Variants in ITGB1 observed in about 807,000 individuals in gnomAD.
ITGB1 encodes integrin subunit beta 1.
Under a neutral mutation model 86.5 loss-of-function variants are expected in ITGB1, and 24 were observed. The observed-to-expected ratio is 0.28, with a 90% CI of 0.20 to 0.39. The LOEUF is 0.39. Among genes scored for constraint, ITGB1 ranks in the 10% least tolerant of loss-of-function variants. The pLI is 1.00. For missense variants in ITGB1, 556 were observed against 946.9 expected, an observed-to-expected ratio of 0.59 and a Z score of 5.42; for synonymous variants, 323 against 316.8, an observed-to-expected ratio of 1.02 and a Z score of -0.21.
intron 4 of ITGB1, among the ~76,000 whole-genome samples, chr10:32,928,748 ATTT>A (rs1458643935): frequency 4.0e-5 from 6 of 149,860 alleles, no homozygotes; most frequent in African/African-American, 1.5e-4. Flanking sequence ...ATTTATTATT[ATTT>A]ATTATTTATT....
chr10:32,935,477 A>AT lies in ITGB1; in HGVS notation c.67+14dup, dbSNP rs781698881. 6.3e-7 allele frequency: 1 copy of AT among 1,587,316 alleles called. No individual in the cohort carries two copies. The highest frequency in any genetic ancestry group is 8.7e-7 in the Non-Finnish European group (1 of 1,155,852). On this transcript the variant is annotated intron_variant, in intron 2 of 15. Transcript: ENST00000302278. ...CGGAAATGAAAAGACAACTAAGAAA[A>AT]TTTTTTGTTTTTACCTGTTTGAGCA...
At chr10:32,906,586 T>C (rs1345596721) in intron 15 of ITGB1, 2 of 171,948 alleles carry the variant, frequency 1.2e-5, no homozygotes. Context: ...AGAGACTGTC[T>C]CAAAATAAAT....
intron 1 of ITGB1, among the ~76,000 whole-genome samples, chr10:32,942,681 CTCTT>C (rs1212004122): frequency 1.3e-4 from 13 of 100,474 alleles, no homozygotes; most frequent in Non-Finnish European, 3.2e-4. Context: ...CTCTCTCTCT[CTCTT>C]TTTTTTTTTT....
intron 1 of ITGB1, among the ~76,000 whole-genome samples, chr10:32,951,307 G>A (rs566102075): frequency 6.6e-6 from 1 of 152,010 alleles, no homozygotes; most frequent in African/African-American, 2.4e-5. Flanking sequence ...ACCAAGAACA[G>A]AATCAACATA....
rs147943624 is a variant in ITGB1 at position 32,911,511 on chromosome 10, G to A, written c.1868C>T (p.Pro623Leu). 54 of 1,613,918 alleles carry A rather than the reference G, an allele frequency of 3.3e-5. No homozygotes were observed. The highest frequency in any genetic ancestry group is 5.5e-5 in the South Asian group (5 of 91,078). The change falls in exon 13 of 16, where the codon CCG becomes CTG. Residue 623 changes from proline to leucine, a missense_variant. Pro to Leu is a moderately conservative substitution (Grantham distance 98, BLOSUM62 -3). This residue lies in a region of ITGB1 where 330 missense variants were observed against 531.5 expected (regional missense o/e 0.62). Coordinates refer to ENST00000302278, the MANE Select transcript of ITGB1 (RefSeq NM_002211.4). Reference protein sequence around the residue: ...CECGVCKCTDPKFQGQTCEMC... With the variant: ...CECGVCKCTDLKFQGQTCEMC... ...CTCACACGTTTGCCCTTGAAACTTC[G>A]GATCTGTACACTTACAGACACCACA... is the stretch of plus-strand genomic sequence containing the variant.
intron 7 of ITGB1, among the ~76,000 whole-genome samples, chr10:32,922,961 GAAGT>G (rs1175822530): frequency 1.3e-5 from 2 of 152,112 alleles, no homozygotes; most frequent in African/African-American, 2.4e-5. Flanking sequence ...ATAAACTGCT[GAAGT>G]GAGTCGTGTG....
chr10:32,926,357 C>T (rs560540880), intron 5 of ITGB1, among the ~76,000 whole-genome samples: 2 of 152,282 alleles, frequency 1.3e-5, no homozygotes, highest in South Asian at 4.1e-4. Context: ...GTAACTGATA[C>T]AGTTTGGGTA....
intron 1 of ITGB1, among the ~76,000 whole-genome samples, chr10:32,939,675 G>C (rs1746134970): frequency 6.6e-6 from 1 of 152,168 alleles, no homozygotes; most frequent in African/African-American, 2.4e-5. Context: ...CTATTACCAT[G>C]AATATAGCTT....
At chr10:32,937,645 A>T (rs1039223693) in intron 1 of ITGB1, among the ~76,000 whole-genome samples, 3 of 152,042 alleles carry the variant, frequency 2.0e-5, no homozygotes, top group Non-Finnish European at 4.4e-5. Context: ...AAGGCAAAAG[A>T]AAAAAAGATG....
At chr10:32,917,804 G>A (rs925528425) in intron 11 of ITGB1, among the ~76,000 whole-genome samples, 4 of 152,172 alleles carry the variant, frequency 2.6e-5, no homozygotes, top group Non-Finnish European at 4.4e-5. Flanking sequence ...CAAGGATCTA[G>A]GACTAGAAAT....
In ITGB1 at chr10:32,911,932, C is replaced by A. The variant is rs374777966; in HGVS notation, c.1662G>T (p.Glu554Asp). 6.2e-7 allele frequency: 1 copy of A among 1,614,030 alleles called. No homozygotes were observed. Among genetic ancestry groups the A allele is most frequent in the African/African-American group, 1.3e-5 (1 of 75,050 alleles). Residue 554 changes from glutamate to aspartate, a missense_variant, in exon 12 of 16, where the codon GAG becomes GAT. Transcript: ENST00000302278. Reference sequence around the variant, plus strand: ...ATCTATCACAGTTGAAATTATCACACTCGCAGAATTTGCCAGAATAAATTT... The same window carrying A: ...ATCTATCACAGTTGAAATTATCACAATCGCAGAATTTGCCAGAATAAATTT... Reference protein sequence around the residue: ...TNEIYSGKFCECDNFNCDRSN... With the variant: ...TNEIYSGKFCDCDNFNCDRSN...
intron 1 of ITGB1, chr10:32,936,271 C>T (rs1350275617): frequency 6.6e-6 from 1 of 152,012 alleles, no homozygotes; most frequent in African/African-American, 2.4e-5. Flanking sequence ...CCCAGCTCTA[C>T]TAAAAATTAG....
At chr10:32,947,678 C>G (rs1017327856) in intron 1 of ITGB1, among the ~76,000 whole-genome samples, 5 of 152,062 alleles carry the variant, frequency 3.3e-5, no homozygotes, top group Non-Finnish European at 7.4e-5. Context: ...ACGATAAAAA[C>G]AACTGGAGAT....
chr10:32,913,003 A>C (rs1419988411), intron 11 of ITGB1, among the ~76,000 whole-genome samples: 1 of 152,198 alleles, frequency 6.6e-6, no homozygotes, highest in Non-Finnish European at 1.5e-5. Context: ...GCCATTCTGC[A>C]ATATTTGCTG....
chr10:32,913,660 A>T (rs1471800058), intron 11 of ITGB1, among the ~76,000 whole-genome samples: 2 of 152,252 alleles, frequency 1.3e-5, no homozygotes. Flanking sequence ...GAAATATGGG[A>T]CTATGTGAAA....
At chr10:32,911,371 C>A (rs927042977) in intron 13 of ITGB1, 77 bp downstream of exon 13, 2 of 1,234,476 alleles carry the variant, frequency 1.6e-6, no homozygotes, top group Non-Finnish European at 2.4e-6. Context: ...TGGCACTGTT[C>A]TGGTTCTAGA....
intron 3 of ITGB1, among the ~76,000 whole-genome samples, chr10:32,931,715 A>G (rs1314356759): frequency 1.3e-5 from 2 of 152,150 alleles, no homozygotes; most frequent in African/African-American, 4.8e-5. Context: ...TAGGCATACA[A>G]AAATAGGCAC....
chr10:32,933,202 C>G (rs947410532), intron 2 of ITGB1: 1 of 152,050 alleles, frequency 6.6e-6, no homozygotes, highest in East Asian at 1.9e-4. Flanking sequence ...CTGAAAGCCA[C>G]AGAGAGACAT....
rs569072245 is a variant in ITGB1 at position 32,917,333 on chromosome 10, T to C, written c.1469+2552A>G. Reference sequence around the variant, plus strand: ...AAAGCAATGGCAACAAAAGCCAAAATTGACAAATGGGATCTAATTAAACTA... The same window carrying C: ...AAAGCAATGGCAACAAAAGCCAAAACTGACAAATGGGATCTAATTAAACTA... On this transcript the variant is annotated intron_variant, in intron 11 of 15. Transcript: ENST00000302278. Among the ~76,000 whole-genome samples the C allele has an allele frequency of 7.4e-3, 1,131 of 152,238 alleles. 14 individuals carry two copies. Among genetic ancestry groups the C allele is most frequent in the African/African-American group, 0.026 (1,090 of 41,518 alleles).
Sources: gnomAD v4.1 joint callset for allele counts (sites outside exome capture counted in the v4.1 genomes callset) on GRCh38, gnomAD v4.1.1 for gene constraint, gnomAD v4.1.1 regional missense constraint, MANE v1.5 for transcripts, NCBI Gene and HGNC (gene_info 2026-07-23, HGNC 2026-07-21) for gene names.